Variants in WDR76 observed in about 807,000 individuals in gnomAD.
WDR76 encodes the protein WD repeat-containing protein 76.
Under a neutral mutation model 70.2 loss-of-function variants are expected in WDR76, and 52 were observed. That is an observed-to-expected ratio of 0.74 (90% confidence interval 0.59 to 0.93). The LOEUF (loss-of-function observed/expected upper bound fraction) is 0.93. Among genes scored for constraint, WDR76 ranks in the 40% least tolerant of loss-of-function variants. WDR76 has a pLI of 0.00. For missense variants in WDR76, 756 were observed against 760.2 expected (o/e 0.99, Z 0.07); for synonymous variants, 292 against 271.1 (o/e 1.08, Z -0.76).
intron 4 of WDR76, among the ~76,000 whole-genome samples, chr15:43,838,015 A>G (rs1236737503): frequency 6.6e-6 from 1 of 151,382 alleles, no homozygotes; most frequent in Admixed American, 6.6e-5. Context: ...AACTGGGACT[A>G]TAGGCGCCCG....
intron 2 of WDR76, among the ~76,000 whole-genome samples, chr15:43,829,674 T>A (rs1268660231): frequency 6.6e-6 from 1 of 151,798 alleles, no homozygotes; most frequent in Non-Finnish European, 1.5e-5. Flanking sequence ...GCCCGGCTAA[T>A]TTTTTATATT....
At chr15:43,864,301 G>A (rs1465947174) in intron 12 of WDR76, among the ~76,000 whole-genome samples, 1 of 152,102 alleles carries the variant, frequency 6.6e-6, no homozygotes, top group Non-Finnish European at 1.5e-5. Context: ...ATATGGTAGT[G>A]CCATTGTTAC....
rs759756560 is a variant in WDR76 at position 43,828,143 on chromosome 15, C to T, written c.239C>T (p.Ala80Val). 2.7e-5 allele frequency: 44 copies of T among 1,613,886 alleles called. 1 individual carries two copies. The South Asian group carries it at 4.3e-4, about 16-fold the overall frequency. The change falls in exon 2 of 13, where the codon GCG becomes GTG. Residue 80 changes from alanine to valine, a missense_variant. By Grantham distance (64) the Ala-to-Val change is moderately conservative. Transcript: ENST00000263795. ...LSEKNSNNEV[A>V]CKKTKIKKTC... ...GAAAAGAATTCTAACAATGAAGTGGCGTGTAAGAAGACTAAAATAAAGAAA... is the reference window on the plus strand; with the variant it reads ...GAAAAGAATTCTAACAATGAAGTGGTGTGTAAGAAGACTAAAATAAAGAAA...
At chr15:43,866,068 G>A in intron 12 of WDR76, 60 bp from the exon 13 acceptor site, 1 of 1,582,802 alleles carries the variant, frequency 6.3e-7, no homozygotes, top group Non-Finnish European at 8.6e-7. Context: ...TTTACCCTCT[G>A]CCCAATGCTA....
rs1567180388 is a variant in WDR76, at chr15:43,828,216, G to A, written c.312G>A (p.Lys104=). The A allele has an allele frequency of 6.2e-7, 1 of 1,614,166 alleles. No homozygotes were observed. The highest frequency in any genetic ancestry group is 2.2e-5 in the East Asian group (1 of 44,872). ...IPPKMKNTSS[K]AESTLQNSSS... is the part of the protein sequence containing the mutation. ...CAAAGATGAAAAACACATCTTCCAA[G>A]GCAGAATCCACGCTGCAAAATTCAT... The change falls in exon 2 of 13, where the codon AAG becomes AAA. Residue 104 remains lysine, a synonymous_variant. Transcript: ENST00000263795.
At chr15:43,856,270 C>A (rs1263503897) in intron 9 of WDR76, among the ~76,000 whole-genome samples, 1 of 152,080 alleles carries the variant, frequency 6.6e-6, no homozygotes, top group African/African-American at 2.4e-5. Flanking sequence ...AGTGAAATTA[C>A]TGGGTCAAAA....
chr15:43,847,410 G>A (rs939049339), intron 8 of WDR76, among the ~76,000 whole-genome samples: 10 of 151,294 alleles, frequency 6.6e-5, no homozygotes, highest in African/African-American at 2.4e-4. Context: ...ATAGGCGCTC[G>A]CTGCCACACC....
intron 10 of WDR76, 24 bp downstream of exon 10, chr15:43,857,187 G>A (rs2140311259): frequency 6.4e-7 from 1 of 1,572,242 alleles, no homozygotes; most frequent in East Asian, 2.3e-5. Context: ...AAGACTTTAT[G>A]ACTTAGACCT....
intron 1 of WDR76, 25 bp downstream of exon 1, chr15:43,827,117 A>G (rs113746935): frequency 4.0e-6 from 6 of 1,514,792 alleles, no homozygotes; most frequent in Non-Finnish European, 5.3e-6. Flanking sequence ...GGTGCTTCCA[A>G]GGTGTGCTCC....
intron 9 of WDR76, among the ~76,000 whole-genome samples, chr15:43,853,260 G>T (rs912536690): frequency 6.6e-6 from 1 of 151,520 alleles, no homozygotes; most frequent in Non-Finnish European, 1.5e-5. Flanking sequence ...GCTTGATCTC[G>T]GCTCACCGCA....
chr15:43,862,169 A>G (rs1170823781), intron 12 of WDR76, among the ~76,000 whole-genome samples: 1 of 151,542 alleles, frequency 6.6e-6, no homozygotes, highest in Non-Finnish European at 1.5e-5. Context: ...AACTTTACTC[A>G]ATGCCTTCTC....
chr15:43,862,511 T>A (rs1382098384), intron 12 of WDR76, among the ~76,000 whole-genome samples: 1 of 149,666 alleles, frequency 6.7e-6, no homozygotes, highest in African/African-American at 2.5e-5. Flanking sequence ...TGTTTTTTGT[T>A]TTTTTGTTTT....
At chr15:43,859,049 C>A (rs1468705634) in intron 11 of WDR76, among the ~76,000 whole-genome samples, 3 of 152,124 alleles carry the variant, frequency 2.0e-5, no homozygotes, top group Non-Finnish European at 4.4e-5. Context: ...CGTAGGTACC[C>A]TGGGGGGTTT....
intron 8 of WDR76, among the ~76,000 whole-genome samples, chr15:43,845,249 C>T (rs1193451923): frequency 6.7e-6 from 1 of 149,848 alleles, no homozygotes; most frequent in Non-Finnish European, 1.5e-5. Context: ...GCGCCCAGCC[C>T]GAAGTTTAGT....
intron 5 of WDR76, among the ~76,000 whole-genome samples, chr15:43,841,413 G>C (rs2087724277): frequency 6.6e-6 from 1 of 151,902 alleles, no homozygotes. Context: ...TAGCCAGGAT[G>C]GTCTCAATCT....
chr15:43,861,812 T>C (rs1005494714), intron 12 of WDR76, among the ~76,000 whole-genome samples: 3 of 151,632 alleles, frequency 2.0e-5, no homozygotes, highest in African/African-American at 7.3e-5. Context: ...TTGCATCAAC[T>C]ACTTTGAATG....
chr15:43,866,492 T>A lies in WDR76; in HGVS notation c.*100T>A. 38 of 1,327,524 alleles carry A rather than the reference T, an allele frequency of 2.9e-5. No homozygotes were observed. The highest frequency in any genetic ancestry group is 4.0e-5 in the Non-Finnish European group (38 of 955,100). The allele number at this position is 1,327,524 out of a possible 1,614,324, so 82.2% of individuals were successfully genotyped here. ...GTGTTTATGTGGTAATGTGTTACATTTAGCAATTATAACATTGTTTTATTA... is the reference window on the plus strand; with the variant it reads ...GTGTTTATGTGGTAATGTGTTACATATAGCAATTATAACATTGTTTTATTA... On this transcript the variant is annotated 3_prime_UTR_variant, in exon 13 of 13. Coordinates refer to ENST00000263795, the MANE Select transcript of WDR76 (RefSeq NM_024908.4).
At chr15:43,847,835 G>T (rs1447703053) in intron 8 of WDR76, among the ~76,000 whole-genome samples, 2 of 152,152 alleles carry the variant, frequency 1.3e-5, no homozygotes, top group East Asian at 3.8e-4. Flanking sequence ...GCGATTACAG[G>T]CGTGAGCCAC....
At chr15:43,832,858 C>T (rs2087609319) in intron 2 of WDR76, among the ~76,000 whole-genome samples, 1 of 139,282 alleles carries the variant, frequency 7.2e-6, no homozygotes, top group Non-Finnish European at 1.5e-5. Context: ...GTTCAAGCAA[C>T]TCTTGTGCCT....
Sources: allele counts gnomAD v4.1 joint callset (sites outside exome capture counted in the v4.1 genomes callset), GRCh38; gene constraint gnomAD v4.1.1; transcripts MANE v1.5; gene names NCBI Gene and HGNC (gene_info 2026-07-23, HGNC 2026-07-21).